AHI1: variants seen among roughly 807,000 people sequenced by gnomAD.
AHI1 encodes the protein Abelson helper integration site 1, also known as jouberin.
Under a neutral mutation model 149.3 loss-of-function variants are expected in AHI1, and 123 were observed. That is an observed-to-expected ratio of 0.82 (90% CI 0.71 to 0.96). The LOEUF (loss-of-function observed/expected upper bound fraction) is 0.96, where lower values mean the gene tolerates loss of function less well. Among genes scored for constraint, AHI1 ranks in the 40% least tolerant of loss-of-function variants. The pLI is 0.00. For missense variants in AHI1, 1,439 were observed against 1,422.7 expected, an observed-to-expected ratio of 1.01 and a Z score of -0.18; for synonymous variants, 475 against 459.8, an observed-to-expected ratio of 1.03 and a Z score of -0.42.
At chr6:135,299,940 G>A (rs757329569) in intron 27 of AHI1, among the ~76,000 whole-genome samples, 35 of 151,974 alleles carry the variant, frequency 2.3e-4, no homozygotes, top group Non-Finnish European at 3.8e-4. Flanking sequence ...GACAAAATAG[G>A]TCCTCTAAAG....
At chr6:135,299,970 A>C (rs1176491336) in intron 27 of AHI1, among the ~76,000 whole-genome samples, 1 of 152,210 alleles carries the variant, frequency 6.6e-6, no homozygotes, top group Non-Finnish European at 1.5e-5. Flanking sequence ...ATACTAGTTT[A>C]ATAGGATTTC....
intron 26 of AHI1, chr6:135,301,685 T>G: frequency 6.1e-6 from 6 of 985,404 alleles, no homozygotes; most frequent in Non-Finnish European, 7.2e-6. Context: ...GACTTTTTGG[T>G]GAAAGGTGAG....
chr6:135,488,234 T>C (rs1395153938), intron 5 of AHI1, among the ~76,000 whole-genome samples: 2 of 152,182 alleles, frequency 1.3e-5, no homozygotes, highest in Non-Finnish European at 2.9e-5. Context: ...CAAGGTTTCT[T>C]CATCATGCTC....
chr6:135,457,609 C>T lies in AHI1; in HGVS notation c.1036G>A (p.Gly346Arg). The part of the protein sequence containing the change: ...KCLLDDDLVL[G>R]VYIHRTDRLK... ...CTATCAGTTCGGTGAATGTAAACTC[C>T]CAAGACAAGGTCATCATCAAGCAAA... Residue 346 changes from glycine to arginine, a missense_variant, in exon 9 of 29, where the codon GGA becomes AGA. Gly to Arg is a moderately radical substitution (Grantham distance 125). Transcript: ENST00000265602. 2 of 1,613,840 alleles carry T rather than the reference C, an allele frequency of 1.2e-6. No homozygotes were observed. The highest frequency in any genetic ancestry group is 1.7e-6 in the Non-Finnish European group (2 of 1,179,834).
At chr6:135,357,112 G>C (rs1257234554) in intron 24 of AHI1, among the ~76,000 whole-genome samples, 1 of 152,030 alleles carries the variant, frequency 6.6e-6, no homozygotes, top group Admixed American at 6.5e-5. Context: ...ATAACTTTTT[G>C]TATTTTAGTA....
At chr6:135,412,618 A>G (rs1001493483) in intron 20 of AHI1, among the ~76,000 whole-genome samples, 4 of 152,240 alleles carry the variant, frequency 2.6e-5, no homozygotes, top group African/African-American at 9.6e-5. Flanking sequence ...TTGGGGTGCT[A>G]TCACATACAT....
chr6:135,410,201 T>C (rs1781382597), intron 21 of AHI1, among the ~76,000 whole-genome samples: 1 of 152,194 alleles, frequency 6.6e-6, no homozygotes, highest in South Asian at 2.1e-4. Flanking sequence ...ACCCTGTCTC[T>C]ACAAAAAAAA....
chr6:135,428,492 T>C, intron 19 of AHI1, 137 bp downstream of exon 19: 1 of 1,103,090 alleles, frequency 9.1e-7, no homozygotes, highest in Non-Finnish European at 1.2e-6. Flanking sequence ...TTAAAGGCTT[T>C]CTAATCTTAA....
chr6:135,478,231 A>G (rs535317571), intron 5 of AHI1, among the ~76,000 whole-genome samples: 4 of 152,320 alleles, frequency 2.6e-5, no homozygotes, highest in Admixed American at 2.0e-4. Context: ...CAAAAGTTGG[A>G]ACAGTTTGAA....
intron 24 of AHI1, among the ~76,000 whole-genome samples, chr6:135,344,517 T>C (rs1029373111): frequency 1.3e-5 from 2 of 151,888 alleles, no homozygotes; most frequent in Non-Finnish European, 2.9e-5. Context: ...ATTCCTAAGT[T>C]ATTTGACTAT....
chr6:135,293,087 G>T (rs1301836641), intron 27 of AHI1, among the ~76,000 whole-genome samples: 1 of 152,078 alleles, frequency 6.6e-6, no homozygotes, highest in African/African-American at 2.4e-5. Context: ...CGCGAAGTTG[G>T]TTTAACATTT....
chr6:135,301,729 A>T (rs189351824), intron 26 of AHI1: 1 of 985,486 alleles, frequency 1.0e-6, no homozygotes, highest in African/African-American at 1.7e-5. Context: ...GTAGAACAAC[A>T]AAAGAACCCA....
chr6:135,365,794 CCT>C (rs1028296319), intron 23 of AHI1, among the ~76,000 whole-genome samples: 6 of 152,104 alleles, frequency 3.9e-5, no homozygotes, highest in South Asian at 4.1e-4. Context: ...ATTTGAATGT[CCT>C]TTATTTCTTT....
At chr6:135,347,552 C>T (rs533725456) in intron 24 of AHI1, among the ~76,000 whole-genome samples, 9 of 152,168 alleles carry the variant, frequency 5.9e-5, no homozygotes, top group African/African-American at 4.8e-5. Context: ...CTTTGGCAAA[C>T]GGTGATGATA....
intron 20 of AHI1, among the ~76,000 whole-genome samples, chr6:135,419,484 A>T (rs1782844409): frequency 6.6e-6 from 1 of 152,000 alleles, no homozygotes; most frequent in Non-Finnish European, 1.5e-5. Context: ...GCAATAAAGC[A>T]TATATCTCAA....
intron 23 of AHI1, among the ~76,000 whole-genome samples, chr6:135,363,971 G>A (rs1794430709): frequency 1.3e-5 from 2 of 149,750 alleles, no homozygotes; most frequent in African/African-American, 2.5e-5. Flanking sequence ...TCCCGGACGG[G>A]GCGGCTGGCC....
chr6:135,359,678 G>C (rs1253465023), intron 23 of AHI1, among the ~76,000 whole-genome samples: 2 of 152,136 alleles, frequency 1.3e-5, no homozygotes, highest in South Asian at 4.1e-4. Context: ...TTTCAAATGA[G>C]AGTGGTCATG....
chr6:135,332,398 G>A (rs1788735025), intron 24 of AHI1, among the ~76,000 whole-genome samples: 1 of 152,166 alleles, frequency 6.6e-6, no homozygotes, highest in Non-Finnish European at 1.5e-5. Flanking sequence ...CATATTCAGA[G>A]AAGACTTTAC....
At chr6:135,447,903 G>T (rs1317018430) in intron 12 of AHI1, among the ~76,000 whole-genome samples, 1 of 152,146 alleles carries the variant, frequency 6.6e-6, no homozygotes, top group Admixed American at 6.5e-5. Context: ...CATTTGTTCA[G>T]TTATGGCCTA....
Sources: allele counts gnomAD v4.1 joint callset (sites outside exome capture counted in the v4.1 genomes callset), GRCh38; gene constraint gnomAD v4.1.1; transcripts MANE v1.5; gene names NCBI Gene and HGNC (gene_info 2026-07-23, HGNC 2026-07-21).